STK3: variants seen among roughly 807,000 people sequenced by gnomAD.
The protein encoded by STK3 is serine/threonine kinase 3, also known as serine/threonine-protein kinase 3.
In STK3, 41 loss-of-function variants were observed where a neutral mutation model predicts 58.0. That is an observed-to-expected ratio of 0.71 (90% confidence interval 0.55 to 0.92). The LOEUF is 0.92. STK3 is among the 40% of genes least tolerant of loss of function. The pLI is 0.00. For missense variants in STK3, 479 were observed against 602.7 expected (o/e 0.79, Z 2.15); for synonymous variants, 170 against 191.0 (o/e 0.89, Z 0.91).
intron 1 of STK3, among the ~76,000 whole-genome samples, chr8:98,922,047 C>T (rs1839586193): frequency 6.6e-6 from 1 of 152,172 alleles, no homozygotes; most frequent in Admixed American, 6.5e-5. Flanking sequence ...GGTTGGAAAG[C>T]ACCCTTGCAG....
intron 1 of STK3, among the ~76,000 whole-genome samples, chr8:98,892,042 G>A (rs933955874): frequency 6.6e-6 from 1 of 152,110 alleles, no homozygotes; most frequent in African/African-American, 2.4e-5. Flanking sequence ...TTTGCATAAT[G>A]TGATTTTAAG....
At chr8:98,464,540 T>TAAAAAAAAAAAAAAAAAAAAAAAAAAAAA in intron 10 of STK3, among the ~76,000 whole-genome samples, 11 of 69,218 alleles carry the variant, frequency 1.6e-4, no homozygotes, top group Non-Finnish European at 2.3e-4. Flanking sequence ...TACTTAAAGT[T>TAAAAAAAAAAAAAAAAAAAAAAAAAAAAA]AAAAAAAAAA....
At chr8:98,410,317 G>A (rs1818040641) in intron 3 of STK3, among the ~76,000 whole-genome samples, 2 of 152,286 alleles carry the variant, frequency 1.3e-5, no homozygotes, top group African/African-American at 4.8e-5. Context: ...ATCTACTTCT[G>A]GAGATAATGA....
intron 1 of STK3, among the ~76,000 whole-genome samples, chr8:98,823,419 G>A (rs1434102933): frequency 6.6e-6 from 1 of 152,152 alleles, no homozygotes; most frequent in African/African-American, 2.4e-5. Flanking sequence ...CTACATCATG[G>A]AATGATAAGA....
chr8:98,457,422 T>C (rs1819582627), intron 10 of STK3, among the ~76,000 whole-genome samples: 1 of 152,196 alleles, frequency 6.6e-6, no homozygotes, highest in African/African-American at 2.4e-5. Context: ...TGCCCAACTA[T>C]GTCTATGTAG....
intron 1 of STK3, among the ~76,000 whole-genome samples, chr8:98,820,704 G>A (rs958299568): frequency 9.9e-5 from 15 of 152,150 alleles, no homozygotes; most frequent in African/African-American, 2.2e-4. Flanking sequence ...ATTCGGCTGC[G>A]CGGTAACTCA....
chr8:98,839,864 A>T (rs1293412960), intron 3 of STK3, among the ~76,000 whole-genome samples: 1 of 152,196 alleles, frequency 6.6e-6, no homozygotes, highest in Non-Finnish European at 1.5e-5. Flanking sequence ...TGAGTAACTC[A>T]AAAGTAAAAA....
At chr8:98,781,802 A>G (rs183151402) in intron 1 of STK3, among the ~76,000 whole-genome samples, 1 of 152,106 alleles carries the variant, frequency 6.6e-6, no homozygotes, top group African/African-American at 2.4e-5. Context: ...AAAATAAAAA[A>G]AAAAATTATT....
Position 98,498,942 on chromosome 8 carries a change from CAA to C in STK3, c.1317+27798_1317+27799del, listed in dbSNP as rs1443098207. Among the ~76,000 whole-genome samples the C allele has an allele frequency of 2.0e-5, 3 of 152,140 alleles. No individual in the cohort carries two copies. In the East Asian group the frequency reaches 5.8e-4, roughly 29 times the overall value. Reference sequence around the variant, plus strand: ...AATCTCTGAATGTTACCTCATATGGCAAAGACTTTGCAAATGTGATTAAATTA... The same window carrying C: ...AATCTCTGAATGTTACCTCATATGGCAGACTTTGCAAATGTGATTAAATTA... On this transcript the variant is annotated intron_variant, in intron 10 of 10. Transcript: ENST00000419617.
chr8:98,786,953 G>A (rs1376311368), intron 1 of STK3, among the ~76,000 whole-genome samples: 1 of 152,030 alleles, frequency 6.6e-6, no homozygotes, highest in Non-Finnish European at 1.5e-5. Context: ...GGCAGATCAA[G>A]AGGTCAGGAG....
upstream of STK3, among the ~76,000 whole-genome samples, chr8:98,390,320 T>C (rs1477853540): frequency 6.6e-6 from 1 of 152,182 alleles, no homozygotes; most frequent in Non-Finnish European, 1.5e-5. Flanking sequence ...GAATGACAGT[T>C]CTTTTCTTTC....
At chr8:98,385,408 T>C (rs1586544293) in intron 1 of STK3, among the ~76,000 whole-genome samples, 2 of 152,204 alleles carry the variant, frequency 1.3e-5, no homozygotes, top group East Asian at 3.9e-4. Flanking sequence ...TCTCCTCTGG[T>C]CCCTAAGTGG....
chr8:98,648,517 T>C (rs1820588085), intron 6 of STK3, among the ~76,000 whole-genome samples: 1 of 152,180 alleles, frequency 6.6e-6, no homozygotes, highest in East Asian at 1.9e-4. Context: ...GAAGTAAATG[T>C]CACATTTCTA....
chr8:98,351,521 G>A, the STK3 span, among the ~76,000 whole-genome samples: 767 of 152,286 alleles, frequency 5.0e-3, 13 homozygotes, highest in Admixed American at 0.03. Context: ...GTGTCCTTGA[G>A]AATAGGATTC....
intron 3 of STK3, among the ~76,000 whole-genome samples, chr8:98,750,545 A>C (rs1226390445): frequency 6.6e-6 from 1 of 151,992 alleles, no homozygotes; most frequent in Non-Finnish European, 1.5e-5. Context: ...CTGTCAGGGA[A>C]GACTTCTCAG....
At chr8:98,841,739 C>T (rs1693062355) in intron 3 of STK3, among the ~76,000 whole-genome samples, 1 of 147,954 alleles carries the variant, frequency 6.8e-6, no homozygotes, top group African/African-American at 2.5e-5. Flanking sequence ...AAAGTTTGGA[C>T]TTGACAGTTC....
At chr8:98,842,172 C>T (rs772431863) in intron 3 of STK3, among the ~76,000 whole-genome samples, 10 of 151,942 alleles carry the variant, frequency 6.6e-5, no homozygotes, top group South Asian at 2.1e-4. Context: ...CTAAATGAGA[C>T]GATGCAATAT....
chr8:98,363,665 T>C, the STK3 span, among the ~76,000 whole-genome samples: 3 of 152,236 alleles, frequency 2.0e-5, no homozygotes, highest in Admixed American at 1.3e-4. Flanking sequence ...TTGCAGTTGG[T>C]TAGCCATGGT....
intron 9 of STK3, among the ~76,000 whole-genome samples, chr8:98,538,038 ATAATT>A (rs1046981111): frequency 3.9e-5 from 6 of 152,168 alleles, no homozygotes; most frequent in African/African-American, 7.2e-5. Context: ...CTTTAACAAA[ATAATT>A]TAATTTTTAA....
Sources: gnomAD v4.1 joint callset for allele counts (sites outside exome capture counted in the v4.1 genomes callset) on GRCh38, gnomAD v4.1.1 for gene constraint, MANE v1.5 for transcripts, NCBI Gene and HGNC (gene_info 2026-07-23, HGNC 2026-07-21) for gene names.